Variants in CMTM8 observed in about 807,000 individuals in gnomAD.
CMTM8 encodes the protein CKLF like MARVEL transmembrane domain containing 8.
A neutral mutation model predicts 18.6 loss-of-function variants in CMTM8; 12 were observed. The ratio of observed to expected loss-of-function variants is 0.65; its 90% confidence interval spans 0.41 to 1.05. CMTM8 has a LOEUF of 1.05. Among genes scored for constraint, CMTM8 ranks in the 50% least tolerant of loss-of-function variants. The probability of loss-of-function intolerance (pLI) is 0.00; values close to 1 mark genes in which losing one functional copy is unlikely to be tolerated. For synonymous variants in CMTM8, 87 were observed against 90.6 expected (o/e 0.96, Z 0.23); for missense variants, 217 against 227.2 (o/e 0.95, Z 0.29).
intron 1 of CMTM8, among the ~76,000 whole-genome samples, chr3:32,283,818 T>C (rs1702639587): frequency 6.6e-6 from 1 of 152,222 alleles, no homozygotes; most frequent in African/African-American, 2.4e-5. Context: ...TCGTAGTTTA[T>C]GGCCAGAAAA....
chr3:32,239,144 G>A, intron 1 of CMTM8, 25 bp downstream of exon 1: 1 of 1,579,536 alleles, frequency 6.3e-7, no homozygotes, highest in Non-Finnish European at 8.6e-7. Flanking sequence ...GCCGGGGGTG[G>A]CGGGGGGCTC....
intron 1 of CMTM8, among the ~76,000 whole-genome samples, chr3:32,279,826 C>G (rs1190216623): frequency 2.1e-5 from 3 of 140,604 alleles, no homozygotes; most frequent in Non-Finnish European, 4.6e-5. Context: ...TTCTCCACAT[C>G]CTCTCCAGCA....
At chr3:32,312,236 T>A (rs115515051) in intron 1 of CMTM8, among the ~76,000 whole-genome samples, 4,593 of 152,090 alleles carry the variant, frequency 0.03, 243 homozygotes, top group African/African-American at 0.11. Flanking sequence ...TGAAATGAAA[T>A]GTCTCATTTC....
chr3:32,270,562 C>T (rs1484205498), intron 1 of CMTM8, among the ~76,000 whole-genome samples: 1 of 152,194 alleles, frequency 6.6e-6, no homozygotes, highest in Non-Finnish European at 1.5e-5. Context: ...GAGTTCATGT[C>T]CTTTGTAGGG....
intron 2 of CMTM8, among the ~76,000 whole-genome samples, chr3:32,362,753 C>T (rs1193610090): frequency 2.6e-5 from 4 of 152,174 alleles, no homozygotes; most frequent in African/African-American, 4.8e-5. Flanking sequence ...AATGATGGTG[C>T]CAGAACTGAG....
At chr3:32,293,864 C>T (rs935177977) in intron 1 of CMTM8, among the ~76,000 whole-genome samples, 1 of 152,136 alleles carries the variant, frequency 6.6e-6, no homozygotes, top group Non-Finnish European at 1.5e-5. Context: ...ACAAACTGTG[C>T]TCTGTGAGTA....
rs927451843 is a variant in CMTM8, at chr3:32,238,735, C to A, written c.-238C>A. ...GCCTCCCCTCGCTCGCTCTCCTCTT[C>A]CTCTAGGGCCCCAGCGCAGCTCGGG... On this transcript the variant is annotated 5_prime_UTR_variant, in exon 1 of 4. Coordinates refer to ENST00000307526, the MANE Select transcript of CMTM8 (RefSeq NM_178868.5). The A allele has an allele frequency of 9.4e-6, 2 of 212,352 alleles. No individual in the cohort carries two copies. Among genetic ancestry groups the A allele is most frequent in the East Asian group, 2.0e-4 (2 of 10,184 alleles). The allele number at this position is 212,352 out of a possible 1,614,324, so 13.2% of individuals were successfully genotyped here.
intron 1 of CMTM8, among the ~76,000 whole-genome samples, chr3:32,308,100 A>T (rs1298690269): frequency 6.6e-6 from 1 of 152,228 alleles, no homozygotes; most frequent in African/African-American, 2.4e-5. Flanking sequence ...CTTACCATTT[A>T]ATTGTTATCA....
chr3:32,326,072 G>A (rs1202793391), intron 1 of CMTM8, among the ~76,000 whole-genome samples: 1 of 152,204 alleles, frequency 6.6e-6, no homozygotes, highest in Non-Finnish European at 1.5e-5. Flanking sequence ...AGGCAGCCAG[G>A]AAAGGTGCAG....
In CMTM8 at chr3:32,357,304, C is replaced by T. The variant is rs112826075; in HGVS notation, c.148-69C>T. On this transcript the variant is annotated intron_variant, in intron 1 of 3. Coordinates refer to ENST00000307526, the MANE Select transcript of CMTM8 (RefSeq NM_178868.5). ...TGTATAATTATTTTTTTTTCTTTGT[C>T]CCTCCTTCCTTCTTTTTCTTTATCT... 8.5e-3 allele frequency: 6,827 copies of T among 799,834 alleles called. 48 individuals carry two copies. The highest frequency in any genetic ancestry group is 0.012 in the Non-Finnish European group (6,119 of 512,244). 49.5% of individuals were successfully genotyped at this position (799,834 alleles called of 1,614,324 possible). A position where few individuals can be genotyped will look rare whatever the true frequency, so the allele number is the denominator to read the frequency against.
At chr3:32,283,231 C>T (rs925038913) in intron 1 of CMTM8, among the ~76,000 whole-genome samples, 19 of 152,208 alleles carry the variant, frequency 1.2e-4, no homozygotes, top group African/African-American at 4.6e-4. Context: ...CCTTGGGAAG[C>T]ATGTGGTCAT....
intron 1 of CMTM8, among the ~76,000 whole-genome samples, chr3:32,322,929 A>T (rs1410738704): frequency 6.6e-6 from 1 of 152,110 alleles, no homozygotes; most frequent in Admixed American, 6.6e-5. Context: ...TCTCCAGAGT[A>T]GGCGTTTTAT....
intron 1 of CMTM8, among the ~76,000 whole-genome samples, chr3:32,270,481 C>T (rs1702420891): frequency 6.6e-6 from 1 of 152,124 alleles, no homozygotes; most frequent in African/African-American, 2.4e-5. Context: ...AAATGTCCAA[C>T]AATGATAGAC....
At chr3:32,296,633 A>G (rs1194739247) in intron 1 of CMTM8, among the ~76,000 whole-genome samples, 1 of 152,056 alleles carries the variant, frequency 6.6e-6, no homozygotes, top group East Asian at 1.9e-4. Context: ...TTATTAAATG[A>G]CCCACTGGGG....
intron 1 of CMTM8, among the ~76,000 whole-genome samples, chr3:32,339,691 C>T (rs548441859): frequency 8.5e-5 from 13 of 152,178 alleles, no homozygotes; most frequent in South Asian, 8.3e-4. Flanking sequence ...AGGCCGGGCG[C>T]GGTGGCTCAT....
upstream of CMTM8, chr3:32,238,234 C>G (rs1701889008): frequency 1.3e-5 from 2 of 152,326 alleles, no homozygotes; most frequent in African/African-American, 2.4e-5. Flanking sequence ...AAGGTCCGGC[C>G]GGGTCATCAT....
chr3:32,245,137 T>TATATCCCATTC (rs1701992557), intron 1 of CMTM8, among the ~76,000 whole-genome samples: 1 of 152,172 alleles, frequency 6.6e-6, no homozygotes, highest in African/African-American at 2.4e-5. Context: ...CAGGAGTGTG[T>TATATCCCATTC]CTGTTTCAAA....
intron 1 of CMTM8, chr3:32,259,497 A>G (rs1702224677): frequency 1.3e-6 from 1 of 779,976 alleles, no homozygotes; most frequent in Middle Eastern, 3.4e-4. Flanking sequence ...GGGCTCTTCA[A>G]GGTCATTGAT....
chr3:32,344,000 C>A (rs1696549390), intron 1 of CMTM8, among the ~76,000 whole-genome samples: 1 of 152,142 alleles, frequency 6.6e-6, no homozygotes, highest in South Asian at 2.1e-4. Context: ...CTCGCCTGGC[C>A]AAGACCTGAG....
Sources: allele counts gnomAD v4.1 joint callset (sites outside exome capture counted in the v4.1 genomes callset), GRCh38; gene constraint gnomAD v4.1.1; transcripts MANE v1.5; gene names NCBI Gene and HGNC (gene_info 2026-07-23, HGNC 2026-07-21).